Variants in AFF3 observed in about 807,000 individuals in gnomAD.
AFF3 encodes the protein AF4/FMR2 family member 3.
A neutral mutation model predicts 129.7 loss-of-function variants in AFF3; 32 were observed. The ratio of observed to expected loss-of-function variants is 0.25; its 90% CI spans 0.19 to 0.33. The LOEUF (loss-of-function observed/expected upper bound fraction) is 0.33, where lower values mean the gene tolerates loss of function less well. Ranked by LOEUF, AFF3 falls within the 10% of genes least tolerant of loss-of-function variation. The pLI is 1.00. For synonymous variants in AFF3, 644 were observed against 635.4 expected (o/e 1.01, Z -0.20); for missense variants, 1,373 against 1,592.0 (o/e 0.86, Z 2.34).
intron 7 of AFF3, among the ~76,000 whole-genome samples, chr2:99,909,354 G>C (rs1479615910): frequency 7.8e-6 from 1 of 128,734 alleles, no homozygotes; most frequent in Non-Finnish European, 1.6e-5. Context: ...AGGGGAGGGG[G>C]GAGGGATAGC....
chr2:100,083,547 C>T (rs1689187577), intron 4 of AFF3, among the ~76,000 whole-genome samples: 1 of 152,204 alleles, frequency 6.6e-6, no homozygotes, highest in Non-Finnish European at 1.5e-5. Flanking sequence ...GCTAGAAACA[C>T]TCACAAAGCA....
At chr2:99,636,766 G>A (rs180765758) in intron 13 of AFF3, among the ~76,000 whole-genome samples, 1 of 152,172 alleles carries the variant, frequency 6.6e-6, no homozygotes, top group Non-Finnish European at 1.5e-5. Flanking sequence ...GGAGTTGGAC[G>A]GAGTCAGAAG....
intron 22 of AFF3, among the ~76,000 whole-genome samples, chr2:99,557,077 G>A (rs1453924148): frequency 6.6e-6 from 1 of 151,920 alleles, no homozygotes; most frequent in East Asian, 1.9e-4. Context: ...TCACAAAAAC[G>A]GTAAGTATGT....
chr2:99,846,878 C>T (rs543343401), intron 7 of AFF3, among the ~76,000 whole-genome samples: 2 of 152,360 alleles, frequency 1.3e-5, no homozygotes, highest in South Asian at 4.1e-4. Flanking sequence ...CACGGGGTCT[C>T]AGCTCTTCCT....
intron 4 of AFF3, among the ~76,000 whole-genome samples, chr2:100,094,012 T>C (rs1368870095): frequency 1.3e-5 from 2 of 152,138 alleles, no homozygotes; most frequent in African/African-American, 2.4e-5. Flanking sequence ...GATGTTGCCA[T>C]CTATTTCCTC....
intron 9 of AFF3, among the ~76,000 whole-genome samples, chr2:99,746,210 C>A (rs1181268815): frequency 6.6e-6 from 1 of 151,402 alleles, no homozygotes; most frequent in Non-Finnish European, 1.5e-5. Flanking sequence ...ACATAAAATC[C>A]AGCAAAACTC....
At chr2:99,675,420 C>T (rs1311374846) in intron 11 of AFF3, among the ~76,000 whole-genome samples, 2 of 152,170 alleles carry the variant, frequency 1.3e-5, no homozygotes, top group African/African-American at 2.4e-5. Context: ...ATCCCAGCCC[C>T]GACAGGCACA....
intron 7 of AFF3, among the ~76,000 whole-genome samples, chr2:99,845,411 T>C (rs1233193123): frequency 2.2e-4 from 34 of 152,222 alleles, no homozygotes; most frequent in Non-Finnish European, 2.9e-5. Context: ...GTGCTGACGA[T>C]GTCAAGAACC....
intron 7 of AFF3, among the ~76,000 whole-genome samples, chr2:99,892,297 A>G (rs2106089902): frequency 6.6e-6 from 1 of 152,344 alleles, no homozygotes; most frequent in East Asian, 1.9e-4. Flanking sequence ...TTTCATTACA[A>G]AATTCATTAC....
At chr2:99,818,042 G>A (rs1305237871) in intron 8 of AFF3, among the ~76,000 whole-genome samples, 1 of 152,112 alleles carries the variant, frequency 6.6e-6, no homozygotes, top group Non-Finnish European at 1.5e-5. Context: ...AATAACTCAA[G>A]GGACTGAATA....
At chr2:100,121,670 G>C (rs1375095107) in intron 2 of AFF3, among the ~76,000 whole-genome samples, 1 of 152,222 alleles carries the variant, frequency 6.6e-6, no homozygotes, top group East Asian at 1.9e-4. Context: ...CACCTGGGGT[G>C]AGGAAGACCT....
At chr2:100,050,320 T>C (rs1400728813) in intron 4 of AFF3, among the ~76,000 whole-genome samples, 2 of 152,136 alleles carry the variant, frequency 1.3e-5, no homozygotes, top group Non-Finnish European at 2.9e-5. Flanking sequence ...TTATGTTTTA[T>C]TTTACTTTTT....
At chr2:99,835,839 C>T (rs562359668) in intron 8 of AFF3, among the ~76,000 whole-genome samples, 2 of 152,268 alleles carry the variant, frequency 1.3e-5, no homozygotes, top group East Asian at 3.9e-4. Flanking sequence ...TTGTTTCAGG[C>T]CTCATCCAAA....
chr2:100,042,013 G>T (rs1041713846), intron 4 of AFF3, among the ~76,000 whole-genome samples: 3 of 151,446 alleles, frequency 2.0e-5, no homozygotes, highest in Admixed American at 6.6e-5. Flanking sequence ...CCCTCACATC[G>T]CCTCCAAGGC....
intron 4 of AFF3, among the ~76,000 whole-genome samples, chr2:100,057,750 A>C (rs867256440): frequency 8.5e-5 from 13 of 152,184 alleles, no homozygotes; most frequent in Admixed American, 2.6e-4. Flanking sequence ...TCTTCACTAG[A>C]AATCTGGAAT....
rs529430268 is a variant in AFF3, at chr2:99,679,282, T to C, written c.1092-6693A>G. Among the ~76,000 whole-genome samples the C allele has an allele frequency of 4.6e-5, 7 of 152,312 alleles. No individual in the cohort carries two copies. In the East Asian group the frequency reaches 9.7e-4, roughly 21 times the overall value. On this transcript the variant is annotated intron_variant, in intron 11 of 24. Transcript: ENST00000672756. ...GAGGGATTGTCAGTGAAATCATCCA[T>C]GATCCTGTAACTCTGCCATGTTGAA...
chr2:99,927,283 T>C (rs1696320489), intron 7 of AFF3, among the ~76,000 whole-genome samples: 1 of 152,210 alleles, frequency 6.6e-6, no homozygotes, highest in African/African-American at 2.4e-5. Flanking sequence ...CACACATGTG[T>C]CCATTGCAGC....
intron 4 of AFF3, among the ~76,000 whole-genome samples, chr2:100,015,057 G>GC (rs1178499315): frequency 6.7e-6 from 1 of 150,348 alleles, no homozygotes; most frequent in African/African-American, 2.5e-5. Context: ...GCCTGCCTTG[G>GC]CCCCCCAAAG....
chr2:99,571,920 A>G (rs955597384), intron 18 of AFF3, among the ~76,000 whole-genome samples: 4 of 152,240 alleles, frequency 2.6e-5, no homozygotes, highest in African/African-American at 9.6e-5. Flanking sequence ...GTTATAGAAT[A>G]TAATACAGCA....
Sources: gnomAD v4.1 joint callset for allele counts (sites outside exome capture counted in the v4.1 genomes callset) on GRCh38, gnomAD v4.1.1 for gene constraint, MANE v1.5 for transcripts, NCBI Gene and HGNC (gene_info 2026-07-23, HGNC 2026-07-21) for gene names.